Variants in NTN5 observed in about 807,000 individuals in gnomAD.
NTN5 encodes netrin-5.
A neutral mutation model predicts 38.7 loss-of-function variants in NTN5; 42 were observed. The observed-to-expected ratio is 1.08, with a 90% CI of 0.85 to 1.40. NTN5 has a LOEUF of 1.40. Among genes scored for constraint, NTN5 ranks in the 40% most tolerant of loss-of-function variants. The pLI is 0.00. For synonymous variants in NTN5, 329 were observed against 303.9 expected (o/e 1.08, Z -0.86); for missense variants, 658 against 716.5 (o/e 0.92, Z 0.93).
rs2031614613 is a variant in NTN5, at chr19:48,663,798, T to G, written c.987A>C (p.Thr329=). ...CACCAGGAGTAGTGGCAAGGGTGGT[T>G]GTTGCCTCTGGAATTCCTGTGAGAC... The part of the protein sequence containing the change: ...RMPCQRIPEA[T]TTLATTPGAY... The change falls in exon 5 of 7, where the codon ACA becomes ACC. Residue 329 remains threonine, a synonymous_variant. Transcript: ENST00000270235. 1.2e-6 allele frequency: 2 copies of G among 1,614,114 alleles called. No homozygotes were observed. The highest frequency in any genetic ancestry group is 1.7e-6 in the Non-Finnish European group (2 of 1,179,944).
rs935910282 is a variant in NTN5 at position 48,670,923 on chromosome 19, G to A, written c.64C>T (p.Pro22Ser). 3.8e-6 allele frequency: 6 copies of A among 1,596,362 alleles called. No homozygotes were observed. The highest frequency in any genetic ancestry group is 5.1e-6 in the Non-Finnish European group (6 of 1,170,638). ...AGGCAGAATTGGGGGCGGCCCTGTGGATCGTAGCATGGGTCCGCAGTGGCC... is the reference window on the plus strand; with the variant it reads ...AGGCAGAATTGGGGGCGGCCCTGTGAATCGTAGCATGGGTCCGCAGTGGCC... ...GQATADPCYD[P>S]QGRPQFCLPP... The change falls in exon 2 of 7, where the codon CCA (proline) becomes TCA (serine). Residue 22 changes from proline to serine, a missense_variant. Physicochemically the swap from Pro to Ser is moderately conservative, Grantham distance 74 (BLOSUM62 -1). Coordinates refer to ENST00000270235, the MANE Select transcript of NTN5 (RefSeq NM_145807.4).
Position 48,670,419 on chromosome 19 carries a change from G to A in NTN5, c.568C>T (p.Arg190Cys), listed in dbSNP as rs375052976. Residue 190 changes from arginine to cysteine, a missense_variant, in exon 2 of 7, where the codon CGC becomes TGC. Transcript: ENST00000270235. ...CAGGGCCAGTCTCGATGGGACGGGCGGCAGCTCTCGCACCCCGGGCCAGTG... is the reference window on the plus strand; with the variant it reads ...CAGGGCCAGTCTCGATGGGACGGGCAGCAGCTCTCGCACCCCGGGCCAGTG... ...HTTGPGCESC[R>C]PSHRDWPWRP... The A allele has an allele frequency of 7.3e-5, 105 of 1,446,964 alleles. No homozygotes were observed. The highest frequency in any genetic ancestry group is 3.5e-4 in the Admixed American group (12 of 34,412). 89.6% of individuals were successfully genotyped at this position (1,446,964 alleles called of 1,614,324 possible).
At chr19:48,671,086 G>T in intron 1 of NTN5, 80 bp from the exon 2 acceptor site, 1 of 1,124,704 alleles carries the variant, frequency 8.9e-7, no homozygotes, top group Non-Finnish European at 1.2e-6. Context: ...TGGAACTGGG[G>T]CATTCCACCC....
chr19:48,667,883 C>T (rs938865336), intron 2 of NTN5, among the ~76,000 whole-genome samples: 4 of 151,950 alleles, frequency 2.6e-5, no homozygotes, highest in Non-Finnish European at 4.4e-5. Flanking sequence ...AATAGAGGGC[C>T]GGGAGGCAAA....
intron 2 of NTN5, among the ~76,000 whole-genome samples, chr19:48,669,661 CCACCAT>C (rs2031858799): frequency 8.4e-6 from 1 of 118,746 alleles, no homozygotes; most frequent in Non-Finnish European, 1.7e-5. Context: ...ACCAACACCA[CCACCAT>C]CACCATCATC....
In NTN5 at chr19:48,670,500, C is replaced by T. The variant is rs375822927; in HGVS notation, c.487G>A (p.Ala163Thr). 175 of 1,480,330 alleles carry T rather than the reference C, an allele frequency of 1.2e-4. No individual in the cohort carries two copies. Among genetic ancestry groups the T allele is most frequent in the Non-Finnish European group, 1.5e-4 (168 of 1,114,378 alleles). The allele number at this position is 1,480,330 out of a possible 1,614,324, so 91.7% of individuals were successfully genotyped here. ...LRGRCQCHGH[A>T]ARCAARARPP... Reference sequence around the variant, plus strand: ...CGGGCACGGGCGGCACAGCGGGCAGCGTGGCCATGACACTGGCAGCGGCCT... The same window carrying T: ...CGGGCACGGGCGGCACAGCGGGCAGTGTGGCCATGACACTGGCAGCGGCCT... The change falls in exon 2 of 7, where the codon GCT becomes ACT. Residue 163 changes from alanine to threonine, a missense_variant. Physicochemically the swap from Ala to Thr is moderately conservative, Grantham distance 58 (BLOSUM62 0). Transcript: ENST00000270235.
chr19:48,661,977 G>A lies in NTN5; in HGVS notation c.1170C>T (p.Arg390=), dbSNP rs752502715. The A allele has an allele frequency of 3.4e-5, 50 of 1,476,880 alleles. No individual in the cohort carries two copies. The Middle Eastern group carries it at 9.5e-4, about 28-fold the overall frequency. The allele number at this position is 1,476,880 out of a possible 1,614,324, so 91.5% of individuals were successfully genotyped here. A position where few individuals can be genotyped will look rare whatever the true frequency, so the allele number is the denominator to read the frequency against. Residue 390 remains arginine (R), a synonymous_variant, in exon 7 of 7, where the codon CGC becomes CGT. Transcript: ENST00000270235. The part of the protein sequence containing the change: ...AGPAWQRLAV[R]VLAVYKQRAQ... ...CCCGCTGCTTGTAAACGGCCAGCAC[G>A]CGCACGGCCAGCCGCTGCCATGCCG...
intron 6 of NTN5, among the ~76,000 whole-genome samples, chr19:48,662,272 T>G (rs905300432): frequency 1.8e-4 from 27 of 151,770 alleles, no homozygotes; most frequent in African/African-American, 6.5e-4. Flanking sequence ...TAGGTGGGGC[T>G]GGGGACAGGG....
rs777519465 is a variant in NTN5, at chr19:48,663,222, A to G, written c.1105+241T>C. On this transcript the variant is annotated intron_variant, in intron 6 of 6. Transcript: ENST00000270235. ...AGATGTCAGGCTGAAGGAGATGATG[A>G]AACTCTGTAAGCCGAAGAACATGGG... 1.2e-4 allele frequency: 75 copies of G among 637,236 alleles called. 1 individual carries two copies. The highest frequency in any genetic ancestry group is 4.9e-4 in the Middle Eastern group (2 of 4,056). The allele number at this position is 637,236 out of a possible 1,614,324, so 39.5% of individuals were successfully genotyped here. A position where few individuals can be genotyped will look rare whatever the true frequency, so the allele number is the denominator to read the frequency against.
Position 48,663,618 on chromosome 19 carries a change from G to A in NTN5, c.1025-75C>T, listed in dbSNP as rs371690. The A allele has an allele frequency of 0.64, 984,865 of 1,539,740 alleles. 320,657 individuals carry two copies. Among genetic ancestry groups the A allele is most frequent in the Middle Eastern group, 0.76 (4,143 of 5,482 alleles). Reference sequence around the variant, plus strand: ...GCCTTCTGCCCCTGCCCATCCCTCCGTTCCATCTTGATGGCCAGCTGGGGT... The same window carrying A: ...GCCTTCTGCCCCTGCCCATCCCTCCATTCCATCTTGATGGCCAGCTGGGGT... On this transcript the variant is annotated intron_variant, in intron 5 of 6. Coordinates refer to ENST00000270235, the MANE Select transcript of NTN5 (RefSeq NM_145807.4).
chr19:48,662,004 GC>G lies in NTN5; in HGVS notation c.1142del (p.Gly381AlafsTer36), dbSNP rs1441903890. ...RAQVLASEAAGPAWQRLAVRV... is the reference protein window; with the variant it reads ...RAQVLASEAAXPAWQRLAVRV... ...GCACGGCCAGCCGCTGCCATGCCGG[GC>G]CCGCCGCCTCGGACGCTAGCACCTG... On this transcript the variant is annotated frameshift_variant, in exon 7 of 7. Transcript: ENST00000270235. LOFTEE classifies it low-confidence loss of function (END_TRUNC). The G allele has an allele frequency of 6.7e-7, 1 of 1,488,798 alleles. No individual in the cohort carries two copies. Among genetic ancestry groups the G allele is most frequent in the African/African-American group, 1.5e-5 (1 of 68,230 alleles). 92.2% of individuals were successfully genotyped at this position (1,488,798 alleles called of 1,614,324 possible).
At chr19:48,666,714 C>T (rs1474849923) in intron 2 of NTN5, among the ~76,000 whole-genome samples, 4 of 117,602 alleles carry the variant, frequency 3.4e-5, no homozygotes, top group South Asian at 3.3e-4. Context: ...GAGACAGGGT[C>T]TCACTCTCGC....
Position 48,670,580 on chromosome 19 carries a change from C to A in NTN5, c.407G>T (p.Ser136Ile). The A allele has an allele frequency of 6.4e-7, 1 of 1,569,064 alleles. No individual in the cohort carries two copies. Among genetic ancestry groups the A allele is most frequent in the Non-Finnish European group, 8.6e-7 (1 of 1,157,534 alleles). The change falls in exon 2 of 7, where the codon AGC becomes ATC. Residue 136 changes from serine to isoleucine, a missense_variant. Transcript: ENST00000270235. ...TPGPKATVAA[S>I]HLRVEFGGQA... is the part of the protein sequence containing the mutation. The stretch of plus-strand genomic sequence containing the variant: ...GCCCCCAAACTCCACACGGAGGTGG[C>A]TGGCCGCCACAGTGGCCTTAGGACC...
chr19:48,667,429 G>A, intron 2 of NTN5: 1 of 402,280 alleles, frequency 2.5e-6, no homozygotes, highest in African/African-American at 2.1e-5. Context: ...GCCCTGTCCA[G>A]GCCCAGGATG....
At chr19:48,672,595 G>C (rs1054078266) in intron 1 of NTN5, among the ~76,000 whole-genome samples, 3 of 152,174 alleles carry the variant, frequency 2.0e-5, no homozygotes, top group Non-Finnish European at 4.4e-5. Flanking sequence ...GCAGCCGCCT[G>C]CCTGGCCCTC....
chr19:48,664,070 G>T, intron 4 of NTN5, 73 bp downstream of exon 4: 1 of 1,495,776 alleles, frequency 6.7e-7, no homozygotes. Flanking sequence ...CCTCACTGCA[G>T]CTGTGCACTG....
At chr19:48,669,555 T>C (rs868144151) in intron 2 of NTN5, among the ~76,000 whole-genome samples, 39 of 1,980 alleles carry the variant, frequency 0.02, no homozygotes, top group African/African-American at 0.021. Flanking sequence ...ACCACCACCA[T>C]CACCACCACC....
chr19:48,672,352 C>G (rs953871956), intron 1 of NTN5, among the ~76,000 whole-genome samples: 1 of 152,192 alleles, frequency 6.6e-6, no homozygotes, highest in Non-Finnish European at 1.5e-5. Flanking sequence ...CTGGGGGCCT[C>G]GGAGCCTTTC....
rs2031942284 is a variant in NTN5 at position 48,670,798 on chromosome 19, G to A, written c.189C>T (p.Gly63=). Residue 63 remains glycine (G), a synonymous_variant, in exon 2 of 7, where the codon GGC becomes GGT. Transcript: ENST00000270235. ...GGCCACCCAGGGCCAAAGTCAGGCTGCCATTGCAGGTTTCCCTGGCGCCAA... is the reference window on the plus strand; with the variant it reads ...GGCCACCCAGGGCCAAAGTCAGGCTACCATTGCAGGTTTCCCTGGCGCCAA... ...NHLGARETCN[G]SLTLALGGPF... is the part of the protein sequence containing the mutation. 1 of 1,613,042 alleles carries A rather than the reference G, an allele frequency of 6.2e-7. No individual in the cohort carries two copies. The highest frequency in any genetic ancestry group is 1.7e-5 in the Admixed American group (1 of 59,990).
Sources: allele counts gnomAD v4.1 joint callset (sites outside exome capture counted in the v4.1 genomes callset), GRCh38; gene constraint gnomAD v4.1.1; transcripts MANE v1.5; gene names NCBI Gene and HGNC (gene_info 2026-07-23, HGNC 2026-07-21).